COL22A1: variants seen among roughly 807,000 people sequenced by gnomAD.
COL22A1 encodes the protein collagen type XXII alpha 1 chain.
A neutral mutation model predicts 248.9 loss-of-function variants in COL22A1; 221 were observed. That is an observed-to-expected ratio of 0.89 (90% confidence interval 0.80 to 0.99). COL22A1 has a LOEUF of 0.99. Ranked by LOEUF, COL22A1 falls within the 50% of genes least tolerant of loss-of-function variation. The pLI, the probability that COL22A1 is intolerant of heterozygous loss-of-function variation, is 0.00. For missense variants in COL22A1, 2,240 were observed against 2,179.0 expected, an observed-to-expected ratio of 1.03 and a Z score of -0.56; for synonymous variants, 891 against 793.4, an observed-to-expected ratio of 1.12 and a Z score of -2.07.
At chr8:138,812,510 G>A (rs1818327540) in intron 8 of COL22A1, among the ~76,000 whole-genome samples, 2 of 152,170 alleles carry the variant, frequency 1.3e-5, no homozygotes, top group African/African-American at 4.8e-5. Flanking sequence ...ACAGAGCAGA[G>A]CCTGCACAGA....
chr8:138,833,244 C>G (rs1820183234), intron 4 of COL22A1, 94 bp from the exon 5 acceptor site: 1 of 801,638 alleles, frequency 1.2e-6, no homozygotes. Context: ...GGCAGCCTGC[C>G]CATCCTGCCC....
At chr8:138,686,550 T>C (rs1483881478) in intron 37 of COL22A1, among the ~76,000 whole-genome samples, 2 of 152,224 alleles carry the variant, frequency 1.3e-5, no homozygotes, top group African/African-American at 4.8e-5. Context: ...GGCCAGCCCC[T>C]GGACATGGTG....
At chr8:138,866,019 CTGTGTG>C (rs140650118) in intron 3 of COL22A1, among the ~76,000 whole-genome samples, 1 of 150,828 alleles carries the variant, frequency 6.6e-6, no homozygotes, top group African/African-American at 2.4e-5. Flanking sequence ...TTGTATGACT[CTGTGTG>C]TGTGTGTGTT....
intron 7 of COL22A1, among the ~76,000 whole-genome samples, chr8:138,818,508 T>C (rs1818855932): frequency 6.6e-6 from 1 of 152,196 alleles, no homozygotes. Context: ...ATGTCTGTTA[T>C]CTTAGGCAGG....
intron 1 of COL22A1, among the ~76,000 whole-genome samples, chr8:138,911,864 C>T (rs1272315981): frequency 6.6e-6 from 1 of 152,188 alleles, no homozygotes; most frequent in Admixed American, 6.5e-5. Context: ...CTGGGAGCCA[C>T]TCTTGGACCC....
At chr8:138,684,915 T>C (rs561747563) in intron 38 of COL22A1, among the ~76,000 whole-genome samples, 1 of 152,316 alleles carries the variant, frequency 6.6e-6, no homozygotes, top group East Asian at 1.9e-4. Context: ...CATACCACAC[T>C]TGTCCTGAGC....
intron 4 of COL22A1, among the ~76,000 whole-genome samples, chr8:138,840,557 A>ACGCGCG (rs1554643255): frequency 4.0e-5 from 6 of 150,666 alleles, no homozygotes; most frequent in African/African-American, 1.5e-4. Context: ...ACACACACAC[A>ACGCGCG]CGCGCTCCTG....
intron 14 of COL22A1, 36 bp from the exon 15 acceptor site, chr8:138,778,442 A>G (rs1053859028): frequency 9.7e-6 from 15 of 1,550,198 alleles, no homozygotes; most frequent in Middle Eastern, 1.8e-4. Context: ...AGTTTCAGGG[A>G]TGGAAAAGAA....
chr8:138,614,365 A>T (rs1181193137), intron 55 of COL22A1, among the ~76,000 whole-genome samples: 1 of 152,190 alleles, frequency 6.6e-6, no homozygotes, highest in African/African-American at 2.4e-5. Context: ...ATTCACCACC[A>T]CCTTGCAGAG....
At chr8:138,763,157 C>T (rs968156299) in intron 16 of COL22A1, among the ~76,000 whole-genome samples, 2 of 152,100 alleles carry the variant, frequency 1.3e-5, no homozygotes, top group African/African-American at 2.4e-5. Flanking sequence ...GGGGCTGAGG[C>T]GGGTGAATCA....
At chr8:138,644,161 G>C (rs1466964754) in intron 47 of COL22A1, among the ~76,000 whole-genome samples, 1 of 152,148 alleles carries the variant, frequency 6.6e-6, no homozygotes, top group Non-Finnish European at 1.5e-5. Context: ...AATGAACACA[G>C]GTATTTGACA....
At chr8:138,766,477 GACAGAGACAGAT>G (rs1833920693) in intron 16 of COL22A1, among the ~76,000 whole-genome samples, 1 of 142,604 alleles carries the variant, frequency 7.0e-6, no homozygotes, top group African/African-American at 2.5e-5. Flanking sequence ...GACAGAGAGA[GACAGAGACAGAT>G]ACAGAGACAC....
At chr8:138,846,142 T>A (rs1420203094) in intron 3 of COL22A1, among the ~76,000 whole-genome samples, 7 of 152,144 alleles carry the variant, frequency 4.6e-5, no homozygotes, top group Admixed American at 3.9e-4. Context: ...CATACAGGAA[T>A]GGGTACAGGC....
intron 64 of COL22A1, among the ~76,000 whole-genome samples, chr8:138,590,377 T>C (rs1358223383): frequency 2.0e-5 from 3 of 152,222 alleles, no homozygotes; most frequent in Non-Finnish European, 4.4e-5. Flanking sequence ...ATTCATTCCT[T>C]GGGCTAAGAG....
intron 18 of COL22A1, among the ~76,000 whole-genome samples, chr8:138,759,034 G>A (rs138739211): frequency 2.0e-4 from 30 of 152,266 alleles, no homozygotes; most frequent in African/African-American, 6.5e-4. Context: ...GGAACTGCAA[G>A]AATATATTAA....
chr8:138,675,195 G>T (rs972979889), intron 41 of COL22A1, among the ~76,000 whole-genome samples: 4 of 152,160 alleles, frequency 2.6e-5, no homozygotes, highest in Admixed American at 6.5e-5. Context: ...AAGCCAGGAG[G>T]CCTGCTCCAA....
chr8:138,795,528 G>GACACACACACACACAC (rs6150850), intron 12 of COL22A1, among the ~76,000 whole-genome samples: 5,886 of 144,762 alleles, frequency 0.041, 241 homozygotes, highest in African/African-American at 0.11. Context: ...CTCTCTTTCA[G>GACACACACACACACAC]ACACACACAC....
intron 44 of COL22A1, among the ~76,000 whole-genome samples, chr8:138,659,802 C>T (rs1434834918): frequency 6.6e-6 from 1 of 152,228 alleles, no homozygotes; most frequent in Non-Finnish European, 1.5e-5. Context: ...AACCAACACT[C>T]AGGGCTGTCC....
intron 52 of COL22A1, chr8:138,620,683 A>G (rs1819712991): frequency 6.6e-6 from 1 of 152,160 alleles, no homozygotes; most frequent in African/African-American, 2.4e-5. Flanking sequence ...GGTTTTCACT[A>G]TGATGTCACT....
Sources: gnomAD v4.1 joint callset for allele counts (sites outside exome capture counted in the v4.1 genomes callset) on GRCh38, gnomAD v4.1.1 for gene constraint, MANE v1.5 for transcripts, NCBI Gene and HGNC (gene_info 2026-07-23, HGNC 2026-07-21) for gene names.